The following WDR33 variants were observed in gnomAD, a reference collection of about 807,000 sequenced individuals.
WDR33 encodes the protein pre-mRNA 3' end processing protein WDR33.
Under a neutral mutation model 164.9 loss-of-function variants are expected in WDR33, and 47 were observed. That is an observed-to-expected ratio of 0.29 (90% confidence interval 0.23 to 0.36). The LOEUF (loss-of-function observed/expected upper bound fraction) is 0.36. WDR33 is among the 10% of genes least tolerant of loss of function. The probability of loss-of-function intolerance (pLI) is 1.00; values close to 1 mark genes in which losing one functional copy is unlikely to be tolerated. For synonymous variants in WDR33, 505 were observed against 589.0 expected (o/e 0.86, Z 2.06); for missense variants, 1,137 against 1,754.1 (o/e 0.65, Z 6.28).
At chr2:127,736,770 G>C in intron 7 of WDR33, 7 of 985,256 alleles carry the variant, frequency 7.1e-6, no homozygotes, top group Non-Finnish European at 8.4e-6. Context: ...TCTAATTTTT[G>C]AGTCAAATAA....
rs1309018269 is a variant in WDR33 at position 127,718,881 on chromosome 2, C to G, written c.2760+384G>C. Among the ~76,000 whole-genome samples, 2 of 152,158 alleles carry G rather than the reference C, an allele frequency of 1.3e-5. No homozygotes were observed. The highest frequency in any genetic ancestry group is 2.9e-5 in the Non-Finnish European group (2 of 68,030). On this transcript the variant is annotated intron_variant, in intron 16 of 21. Transcript: ENST00000322313. The surrounding 1 kb of genome is among the most constrained non-coding windows in gnomAD (Gnocchi z 4.4). ...GAACACCAGGCTGCAATGTAAAGGG[C>G]CCAGAAAGGAGGCATGACAGCCTCA... is the stretch of plus-strand genomic sequence containing the variant.
chr2:127,746,522 G>A (rs1316135412), intron 7 of WDR33, among the ~76,000 whole-genome samples: 1 of 152,208 alleles, frequency 6.6e-6, no homozygotes, highest in African/African-American at 2.4e-5. Context: ...ACTGTGCAGA[G>A]TATGTCTGTG....
chr2:127,732,132 C>T (rs1316988936), intron 7 of WDR33, among the ~76,000 whole-genome samples: 1 of 146,690 alleles, frequency 6.8e-6, no homozygotes, highest in Non-Finnish European at 1.5e-5. Flanking sequence ...CACACACACA[C>T]ACACACACAC....
At chr2:127,715,088 CTTT>C (rs386391178) in intron 17 of WDR33, among the ~76,000 whole-genome samples, 1,469 of 108,520 alleles carry the variant, frequency 0.014, 20 homozygotes, top group African/African-American at 0.051. Context: ...TTCTTTGTTT[CTTT>C]TTTTTTTTTT....
rs181199076 is a variant in WDR33, at chr2:127,741,502, A to C, written c.725-14725T>G. Among the ~76,000 whole-genome samples the C allele has an allele frequency of 6.0e-4, 91 of 152,298 alleles. No individual in the cohort carries two copies. Among genetic ancestry groups the C allele is most frequent in the African/African-American group, 2.1e-3 (87 of 41,558 alleles). ...CACACAAACATGCACGTGTGTACAC[A>C]TGTACAAGCACACACACAGACACAC... On this transcript the variant is annotated intron_variant, in intron 7 of 21. Coordinates refer to ENST00000322313, the MANE Select transcript of WDR33 (RefSeq NM_018383.5). This position sits in a 1 kb window ranked among gnomAD's most constrained non-coding sequence, Gnocchi z 4.1.
At chr2:127,810,387 G>A (rs1259917552) in intron 1 of WDR33, among the ~76,000 whole-genome samples, 2 of 152,154 alleles carry the variant, frequency 1.3e-5, no homozygotes, top group Non-Finnish European at 2.9e-5. Flanking sequence ...TTACAACCAA[G>A]TACAAACATT....
intron 7 of WDR33, among the ~76,000 whole-genome samples, chr2:127,750,179 C>T (rs1249873777): frequency 6.6e-6 from 1 of 152,020 alleles, no homozygotes; most frequent in East Asian, 2.0e-4. Flanking sequence ...CACACGCCAC[C>T]ACACCCAGTT....
rs1401028049 is a variant in WDR33 at position 127,701,977 on chromosome 2, T to C, written c.*4346A>G. ...CCGTCCCGGCCCGCGCTGCTCTACA[T>C]GGCAGCGCTGGGCGCCACGCTGTTC... On this transcript the variant is annotated 3_prime_UTR_variant, in exon 22 of 22. Transcript: ENST00000322313. 8 of 1,366,296 alleles carry C rather than the reference T, an allele frequency of 5.9e-6. No individual in the cohort carries two copies. Among genetic ancestry groups the C allele is most frequent in the Non-Finnish European group, 7.5e-6 (8 of 1,064,342 alleles). The allele number at this position is 1,366,296 out of a possible 1,614,324, so 84.6% of individuals were successfully genotyped here.
At chr2:127,748,311 C>T (rs13418744) in intron 7 of WDR33, among the ~76,000 whole-genome samples, 3,272 of 152,294 alleles carry the variant, frequency 0.021, 128 homozygotes, top group African/African-American at 0.076. Flanking sequence ...TAAATCCAAC[C>T]TGCTCTATGA....
In WDR33 at chr2:127,701,735, G is replaced by A; in HGVS notation, c.*4588C>T. 7.1e-7 allele frequency: 1 copy of A among 1,406,190 alleles called. No individual in the cohort carries two copies. The highest frequency in any genetic ancestry group is 9.3e-7 in the Non-Finnish European group (1 of 1,079,926). 87.1% of individuals were successfully genotyped at this position (1,406,190 alleles called of 1,614,324 possible). ...CAGCGGCCGGCCTGACGTGCCTCCCGAGCGTGACGCGCGGGCAGCGGCTGG... is the reference window on the plus strand; with the variant it reads ...CAGCGGCCGGCCTGACGTGCCTCCCAAGCGTGACGCGCGGGCAGCGGCTGG... On this transcript the variant is annotated 3_prime_UTR_variant, in exon 22 of 22. Transcript: ENST00000322313.
chr2:127,731,911 C>A (rs1256793326), intron 7 of WDR33, among the ~76,000 whole-genome samples: 1 of 152,060 alleles, frequency 6.6e-6, no homozygotes, highest in African/African-American at 2.4e-5. Flanking sequence ...CATAGTGAGA[C>A]CCTGTCTCTA....
chr2:127,780,036 C>T lies in WDR33; in HGVS notation c.-23-9032G>A, dbSNP rs1395750347. 2.0e-5 allele frequency among the ~76,000 whole-genome samples: 3 copies of T among 147,332 alleles called. No individual in the cohort carries two copies. The Admixed American group carries it at 2.0e-4, about 10-fold the overall frequency. On this transcript the variant is annotated intron_variant, in intron 1 of 21. Coordinates refer to ENST00000322313, the MANE Select transcript of WDR33 (RefSeq NM_018383.5). Reference sequence around the variant, plus strand: ...TCGCCCAGGCTAGAGTGCAGTGGTGCGATCTCGGCTCACTGCAAGCTCCGC... The same window carrying T: ...TCGCCCAGGCTAGAGTGCAGTGGTGTGATCTCGGCTCACTGCAAGCTCCGC...
At chr2:127,790,265 C>G (rs535526422) in intron 1 of WDR33, among the ~76,000 whole-genome samples, 1 of 152,296 alleles carries the variant, frequency 6.6e-6, no homozygotes, top group East Asian at 1.9e-4. Context: ...AAATTTTGAA[C>G]CAGCCTTGTA....
chr2:127,765,502 T>C (rs918420334), intron 4 of WDR33, among the ~76,000 whole-genome samples: 2 of 152,232 alleles, frequency 1.3e-5, no homozygotes, highest in African/African-American at 4.8e-5. Flanking sequence ...AAGTACATTA[T>C]GAGTATACGC....
intron 1 of WDR33, among the ~76,000 whole-genome samples, chr2:127,772,357 T>G: frequency 6.6e-6 from 1 of 151,990 alleles, no homozygotes; most frequent in East Asian, 1.9e-4. Flanking sequence ...GAGAATCGTT[T>G]GAACCCGGGA....
At chr2:127,744,645 A>C (rs1687116732) in intron 7 of WDR33, among the ~76,000 whole-genome samples, 1 of 152,222 alleles carries the variant, frequency 6.6e-6, no homozygotes, top group Non-Finnish European at 1.5e-5. Flanking sequence ...CTTCTAAGTG[A>C]ACCTTTTATG....
rs534726790 is a variant in WDR33, at chr2:127,781,769, T to C, written c.-23-10765A>G. Among the ~76,000 whole-genome samples the C allele has an allele frequency of 2.2e-3, 327 of 147,594 alleles. 2 individuals are homozygous for C. The highest frequency in any genetic ancestry group is 4.7e-3 in the Admixed American group (69 of 14,838). On this transcript the variant is annotated intron_variant, in intron 1 of 21. Transcript: ENST00000322313. ...ATCCTAGCACTTCCGGAGGCCGAGG[T>C]AGGCAGATCACCTGAGGTCGGGAGT...
Position 127,763,324 on chromosome 2 carries a change from T to A in WDR33, c.627-165A>T, listed in dbSNP as rs1687732753. 8 of 1,437,078 alleles carry A rather than the reference T, an allele frequency of 5.6e-6. No individual in the cohort carries two copies. The highest frequency in any genetic ancestry group is 7.3e-6 in the Non-Finnish European group (8 of 1,097,458). 89.0% of individuals were successfully genotyped at this position (1,437,078 alleles called of 1,614,324 possible). ...TGAATGTCGTCAGCTAACATAGGCA[T>A]CTCATCAAAAGAAGACTTCAACAGA... On this transcript the variant is annotated intron_variant, in intron 6 of 21. Coordinates refer to ENST00000322313, the MANE Select transcript of WDR33 (RefSeq NM_018383.5). The surrounding 1 kb of genome is among the most constrained non-coding windows in gnomAD (Gnocchi z 4.5).
rs1411236642 is a variant in WDR33, at chr2:127,717,114, T to G, written c.2869+41A>C. 12 of 1,539,144 alleles carry G rather than the reference T, an allele frequency of 7.8e-6. No homozygotes were observed. ...ATTCACTGTAAAATGTGCACAAAGG[T>G]GGTAGAATATAATCTTTTATTCAGC... On this transcript the variant is annotated intron_variant, in intron 17 of 21. Coordinates refer to ENST00000322313, the MANE Select transcript of WDR33 (RefSeq NM_018383.5). The surrounding 1 kb of genome is among the most constrained non-coding windows in gnomAD (Gnocchi z 5.6).
Sources: gnomAD v4.1 joint callset for allele counts (sites outside exome capture counted in the v4.1 genomes callset) on GRCh38, gnomAD v4.1.1 for gene constraint, Gnocchi (gnomAD v3.1) non-coding constraint, MANE v1.5 for transcripts, NCBI Gene and HGNC (gene_info 2026-07-23, HGNC 2026-07-21) for gene names.